The following GRHL3 variants were observed in gnomAD, a reference collection of about 807,000 sequenced individuals.
The protein encoded by GRHL3 is grainyhead-like protein 3 homolog.
Under a neutral mutation model 70.3 loss-of-function variants are expected in GRHL3, and 20 were observed. The ratio of observed to expected loss-of-function variants is 0.28; its 90% CI spans 0.20 to 0.41. GRHL3 has a LOEUF of 0.41. Among genes scored for constraint, GRHL3 ranks in the 10% least tolerant of loss-of-function variants. The pLI is 1.00. For synonymous variants in GRHL3, 299 were observed against 299.9 expected (o/e 1.00, Z 0.03); for missense variants, 637 against 762.3 (o/e 0.84, Z 1.94).
At chr1:24,356,343 C>G (rs1477611551), downstream of GRHL3, among the ~76,000 whole-genome samples, 1 of 151,488 alleles carries the variant, frequency 6.6e-6, no homozygotes, top group Non-Finnish European at 1.5e-5. Context: ...CCCGGGTTCA[C>G]GCCATTCTGC....
chr1:24,339,636 C>G (rs1639963209), intron 7 of GRHL3, 32 bp from the exon 8 acceptor site: 11 of 1,525,522 alleles, frequency 7.2e-6, no homozygotes, highest in African/African-American at 1.4e-5. Flanking sequence ...CCCTTCCTTC[C>G]TGATTCTCCT....
intron 15 of GRHL3, 88 bp from the exon 16 acceptor site, chr1:24,354,286 G>GT: frequency 1.2e-6 from 1 of 850,338 alleles, no homozygotes; most frequent in Non-Finnish European, 2.0e-6. Flanking sequence ...TACCCACTGG[G>GT]TATGACCCAT....
chr1:24,330,416 T>C (rs1639560371), intron 1 of GRHL3, among the ~76,000 whole-genome samples: 5 of 152,212 alleles, frequency 3.3e-5, no homozygotes, highest in Admixed American at 3.3e-4. Flanking sequence ...GCCACTCACT[T>C]ACTGGGACCT....
intron 11 of GRHL3, 35 bp from the exon 12 acceptor site, chr1:24,344,862 G>A (rs746366980): frequency 1.2e-5 from 20 of 1,613,274 alleles, no homozygotes; most frequent in East Asian, 6.7e-5. Context: ...ATTTTCCTGC[G>A]TGTGATGGAA....
At position 24,338,117 on chromosome 1, in the gene GRHL3, C is replaced by T. The variant is rs1416470710; in HGVS notation, c.952+14C>T. 4 of 1,553,922 alleles carry T rather than the reference C, an allele frequency of 2.6e-6. No individual in the cohort carries two copies. The highest frequency in any genetic ancestry group is 8.8e-7 in the Non-Finnish European group (1 of 1,137,834). The stretch of plus-strand genomic sequence containing the variant: ...TCATTGACGTGGGTGAGAGCCTTCT[C>T]AAGCCTCCATTCCAGCTCCCCTCTC... On this transcript the variant is annotated intron_variant, in intron 7 of 15. Coordinates refer to ENST00000361548, the MANE Select transcript of GRHL3 (RefSeq NM_198173.3).
At position 24,330,489 on chromosome 1, in the gene GRHL3, T is replaced by C. The variant is rs557605536; in HGVS notation, c.18-937T>C. On this transcript the variant is annotated intron_variant, in intron 1 of 15. Coordinates refer to ENST00000361548, the MANE Select transcript of GRHL3 (RefSeq NM_198173.3). ...CACTGTATAATAGGAATAATAATAG[T>C]ATCTGCCTTGCAGGGTTGTTTCAAG... Among the ~76,000 whole-genome samples, 18 of 152,372 alleles carry C rather than the reference T, an allele frequency of 1.2e-4. No homozygotes were observed. The South Asian group carries it at 3.7e-3, about 32-fold the overall frequency.
At chr1:24,338,168 C>T (rs1034112521) in intron 7 of GRHL3, 65 bp downstream of exon 7, 1 of 1,107,778 alleles carries the variant, frequency 9.0e-7, no homozygotes, top group African/African-American at 1.6e-5. Context: ...ATCAATCAGG[C>T]CTTTTTCTTA....
intron 11 of GRHL3, 112 bp from the exon 12 acceptor site, chr1:24,344,785 G>A: frequency 8.6e-7 from 1 of 1,157,564 alleles, no homozygotes; most frequent in Non-Finnish European, 1.3e-6. Context: ...CATTGTAACA[G>A]TATTCTCCCC....
At chr1:24,364,278 T>C in exon 16 of GRHL3, 1 of 1,548,886 alleles carries the variant, frequency 6.5e-7, no homozygotes, top group Non-Finnish European at 8.7e-7. Flanking sequence ...GGAACATGGG[T>C]TTTGGAGATG....
chr1:24,336,425 A>G, intron 3 of GRHL3, 57 bp from the exon 4 acceptor site: 1 of 1,237,290 alleles, frequency 8.1e-7, no homozygotes, highest in Non-Finnish European at 1.1e-6. Flanking sequence ...ACTCTAGCCA[A>G]AGACCCCCCT....
chr1:24,341,055 C>T (rs1430655544), intron 8 of GRHL3, among the ~76,000 whole-genome samples: 2 of 152,112 alleles, frequency 1.3e-5, no homozygotes, highest in African/African-American at 4.8e-5. Context: ...GACACACCCC[C>T]CCACATCCTG....
intron 3 of GRHL3, among the ~76,000 whole-genome samples, chr1:24,335,878 T>G (rs1007834418): frequency 8.7e-4 from 132 of 152,268 alleles, no homozygotes; most frequent in African/African-American, 2.6e-3. Flanking sequence ...CACCGCGCCC[T>G]GCCACTCAAA....
intron 2 of GRHL3, 65 bp downstream of exon 2, chr1:24,331,677 T>C: frequency 6.9e-6 from 10 of 1,451,242 alleles, no homozygotes; most frequent in Non-Finnish European, 9.4e-6. Flanking sequence ...TCAGGCCTCA[T>C]GGCTCAGCAG....
intron 7 of GRHL3, among the ~76,000 whole-genome samples, 178 bp downstream of exon 7, chr1:24,338,281 T>G (rs1423996075): frequency 2.0e-5 from 3 of 152,236 alleles, no homozygotes; most frequent in Non-Finnish European, 4.4e-5. Flanking sequence ...TGGCGTCTTT[T>G]CTGTATTGCT....
intron 2 of GRHL3, 142 bp downstream of exon 2, chr1:24,331,754 C>T (rs534012240): frequency 3.6e-6 from 2 of 557,612 alleles, no homozygotes; most frequent in Middle Eastern, 4.9e-4. Context: ...CTGCCTGGCA[C>T]CCTCCCTTTC....
rs1004752354 is a variant in GRHL3, at chr1:24,334,545, CA to C, written c.205-97del. 3.5e-6 allele frequency: 3 copies of C among 862,754 alleles called. No individual in the cohort carries two copies. Among genetic ancestry groups the C allele is most frequent in the Non-Finnish European group, 5.8e-6 (3 of 517,686 alleles). 53.4% of individuals were successfully genotyped at this position (862,754 alleles called of 1,614,324 possible). A position where few individuals can be genotyped will look rare whatever the true frequency, so the allele number is the denominator to read the frequency against. On this transcript the variant is annotated intron_variant, in intron 2 of 15. Transcript: ENST00000361548. The surrounding 1 kb of genome is among the most constrained non-coding windows in gnomAD (Gnocchi z 4.3). ...TGGGGACACAGCCGAACCATATCAC[CA>C]AAGTTACTCCCCTGCCTGGCCAAAG...
Position 24,319,477 on chromosome 1 carries a change from C to A in GRHL3, c.-75C>A. ...AAACACTTTCCCGGGCAGAGAATGT[C>A]TGTGTCAGGCAAGAATTAGAGACAA... On this transcript the variant is annotated 5_prime_UTR_variant, in exon 1 of 16. The change creates a new upstream start codon in the 5' untranslated region. Transcript: ENST00000361548. The A allele has an allele frequency of 7.1e-7, 1 of 1,403,782 alleles. No individual in the cohort carries two copies. Among genetic ancestry groups the A allele is most frequent in the Non-Finnish European group, 1.0e-6 (1 of 988,570 alleles). 87.0% of individuals were successfully genotyped at this position (1,403,782 alleles called of 1,614,324 possible).
intron 15 of GRHL3, chr1:24,360,886 G>C (rs183353247): frequency 6.2e-7 from 1 of 1,613,558 alleles, no homozygotes; most frequent in Non-Finnish European, 8.5e-7. Flanking sequence ...CGGCGCCGCT[G>C]TCCACCGGCT....
intron 1 of GRHL3, 76 bp downstream of exon 1, chr1:24,319,644 G>T: frequency 6.2e-7 from 1 of 1,611,656 alleles, no homozygotes; most frequent in Admixed American, 1.7e-5. Context: ...GGGGAAGAGC[G>T]GGGAGGCCGG....
Sources: allele counts gnomAD v4.1 joint callset (sites outside exome capture counted in the v4.1 genomes callset), GRCh38; gene constraint gnomAD v4.1.1; non-coding constraint Gnocchi (gnomAD v3.1); transcripts MANE v1.5; gene names NCBI Gene and HGNC (gene_info 2026-07-23, HGNC 2026-07-21).